SFMBT2: variants seen among roughly 807,000 people sequenced by gnomAD.
SFMBT2 encodes the protein Scm like with four mbt domains 2.
Under a neutral mutation model 110.1 loss-of-function variants are expected in SFMBT2, and 38 were observed. The ratio of observed to expected loss-of-function variants is 0.35; its 90% CI spans 0.27 to 0.45. SFMBT2 has a LOEUF of 0.45. SFMBT2 is among the 20% of genes least tolerant of loss of function. The pLI is 1.00. For missense variants in SFMBT2, 1,011 were observed against 1,094.9 expected, an observed-to-expected ratio of 0.92 and a Z score of 1.08; for synonymous variants, 425 against 425.4, an observed-to-expected ratio of 1.00 and a Z score of 0.01.
chr10:7,368,576 G>A (rs1844976909), intron 3 of SFMBT2, among the ~76,000 whole-genome samples: 1 of 152,230 alleles, frequency 6.6e-6, no homozygotes, highest in Non-Finnish European at 1.5e-5. Flanking sequence ...CTGAAGGACA[G>A]CCTCCAGCTC....
At chr10:7,250,772 A>G (rs930440381) in intron 7 of SFMBT2, among the ~76,000 whole-genome samples, 1 of 152,216 alleles carries the variant, frequency 6.6e-6, no homozygotes, top group African/African-American at 2.4e-5. Context: ...AATAACAGCC[A>G]TTCTTACTGG....
At chr10:7,188,238 C>A (rs149565459) in intron 16 of SFMBT2, among the ~76,000 whole-genome samples, 60 of 152,254 alleles carry the variant, frequency 3.9e-4, no homozygotes, top group East Asian at 2.7e-3. Context: ...TTGCATTTAG[C>A]ATAGTCTATA....
chr10:7,376,383 G>A (rs1845209374), intron 2 of SFMBT2, among the ~76,000 whole-genome samples: 1 of 152,042 alleles, frequency 6.6e-6, no homozygotes, highest in African/African-American at 2.4e-5. Flanking sequence ...GGACTTGGGT[G>A]TCGGTTATTG....
chr10:7,386,953 C>A (rs1845625094), intron 1 of SFMBT2, among the ~76,000 whole-genome samples: 1 of 152,156 alleles, frequency 6.6e-6, no homozygotes, highest in Admixed American at 6.5e-5. Flanking sequence ...CGGTTTGAAC[C>A]CACACAACTG....
intron 1 of SFMBT2, among the ~76,000 whole-genome samples, chr10:7,407,617 G>A (rs1362644501): frequency 6.6e-6 from 1 of 152,176 alleles, no homozygotes; most frequent in African/African-American, 2.4e-5. Context: ...GCGAGAAGTC[G>A]GGCGGCCGAT....
chr10:7,312,933 T>C (rs1463974309), intron 4 of SFMBT2, among the ~76,000 whole-genome samples: 1 of 152,140 alleles, frequency 6.6e-6, no homozygotes, highest in African/African-American at 2.4e-5. Flanking sequence ...TGCTTCCAGG[T>C]TTGGCTCTGC....
intron 8 of SFMBT2, among the ~76,000 whole-genome samples, chr10:7,247,570 A>C (rs1271782601): frequency 3.3e-5 from 5 of 152,258 alleles, no homozygotes; most frequent in Non-Finnish European, 7.3e-5. Flanking sequence ...AGTGTTACCA[A>C]ATCATAAATT....
At chr10:7,277,102 C>G (rs985751359) in intron 6 of SFMBT2, 113 bp from the exon 7 acceptor site, 1 of 688,558 alleles carries the variant, frequency 1.5e-6, no homozygotes, top group East Asian at 2.6e-5. Flanking sequence ...GGTCAGTGAC[C>G]GTGAGTGTTC....
Position 7,175,177 on chromosome 10 carries a change from C to A in SFMBT2, c.1984+813G>T, listed in dbSNP as rs79367773. Among the ~76,000 whole-genome samples the A allele has an allele frequency of 4.2e-3, 646 of 152,332 alleles. 2 individuals are homozygous for A. The highest frequency in any genetic ancestry group is 5.7e-3 in the Non-Finnish European group (391 of 68,026). ...GCAGAGCTAACTTCCAGGTCACTCC[C>A]CCTTGCATTAGAGAGAACTGAGGGG... On this transcript the variant is annotated intron_variant, in intron 17 of 20. Transcript: ENST00000397167.
At chr10:7,260,237 G>A (rs1841151506) in intron 7 of SFMBT2, among the ~76,000 whole-genome samples, 2 of 152,162 alleles carry the variant, frequency 1.3e-5, no homozygotes, top group Admixed American at 1.3e-4. Flanking sequence ...CTATTAAAGG[G>A]CCTTCTCACA....
intron 7 of SFMBT2, among the ~76,000 whole-genome samples, chr10:7,254,335 T>A (rs930606286): frequency 7.9e-5 from 12 of 152,050 alleles, no homozygotes; most frequent in African/African-American, 9.6e-5. Flanking sequence ...CAGAACACCC[T>A]CCATTTGTCA....
At chr10:7,368,291 C>A in intron 3 of SFMBT2, 1 of 978,012 alleles carries the variant, frequency 1.0e-6, no homozygotes. Flanking sequence ...CAAGGACTCA[C>A]AGGACCACAT....
intron 1 of SFMBT2, among the ~76,000 whole-genome samples, chr10:7,388,723 G>C (rs1845688858): frequency 6.6e-6 from 1 of 151,966 alleles, no homozygotes; most frequent in Non-Finnish European, 1.5e-5. Context: ...ACCTCAGGAA[G>C]TGATATCTGA....
Position 7,172,741 on chromosome 10 carries a change from G to A in SFMBT2, c.1985-80C>T. The A allele has an allele frequency of 6.8e-7, 1 of 1,467,794 alleles. No homozygotes were observed. Among genetic ancestry groups the A allele is most frequent in the Non-Finnish European group, 9.2e-7 (1 of 1,091,398 alleles). 90.9% of individuals were successfully genotyped at this position (1,467,794 alleles called of 1,614,324 possible). On this transcript the variant is annotated intron_variant, in intron 17 of 20. Transcript: ENST00000397167. This position sits in a 1 kb window ranked among gnomAD's most constrained non-coding sequence, Gnocchi z 4.6. ...ACAGAGAGAGGAGAGAGAAAGAAGG[G>A]AAACGATTCTTTCATCTGATAGTTC...
intron 7 of SFMBT2, among the ~76,000 whole-genome samples, chr10:7,263,732 G>C (rs978367780): frequency 3.3e-5 from 5 of 152,170 alleles, no homozygotes; most frequent in African/African-American, 9.7e-5. Flanking sequence ...ACAAGTGTTT[G>C]AATGTTGCTG....
chr10:7,276,884 C>T lies in SFMBT2; in HGVS notation c.870+8G>A, dbSNP rs1355850877. The T allele has an allele frequency of 1.2e-6, 1 of 867,096 alleles. No homozygotes were observed. The highest frequency in any genetic ancestry group is 2.4e-5 in the East Asian group (1 of 41,684). 53.7% of individuals were successfully genotyped at this position (867,096 alleles called of 1,614,324 possible). A position where few individuals can be genotyped will look rare whatever the true frequency, so the allele number is the denominator to read the frequency against. ...GGGTAGATACATTGCTAAGAATCAACATCTTACCTTAAACACTTCCATTGG... is the reference window on the plus strand; with the variant it reads ...GGGTAGATACATTGCTAAGAATCAATATCTTACCTTAAACACTTCCATTGG... On this transcript the variant is annotated splice_region_variant and intron_variant, in intron 7 of 20. Coordinates refer to ENST00000397167, the MANE Select transcript of SFMBT2 (RefSeq NM_001387889.1).
intron 7 of SFMBT2, chr10:7,249,203 A>T: frequency 4.2e-6 from 1 of 236,640 alleles, no homozygotes; most frequent in Non-Finnish European, 6.9e-6. Flanking sequence ...TAAGAATCCA[A>T]ACCTGCCCCA....
intron 1 of SFMBT2, chr10:7,409,442 G>A (rs1471006945): frequency 6.6e-6 from 1 of 152,004 alleles, no homozygotes; most frequent in Non-Finnish European, 1.5e-5. Flanking sequence ...ATCATGGCAG[G>A]GTCTGGTTCC....
At chr10:7,196,809 CG>C (rs1366282790) in intron 15 of SFMBT2, among the ~76,000 whole-genome samples, 1 of 152,156 alleles carries the variant, frequency 6.6e-6, no homozygotes, top group African/African-American at 2.4e-5. Flanking sequence ...GATAGAGTTC[CG>C]GGAAGAGTTT....
Sources: gnomAD v4.1 joint callset for allele counts (sites outside exome capture counted in the v4.1 genomes callset) on GRCh38, gnomAD v4.1.1 for gene constraint, Gnocchi (gnomAD v3.1) non-coding constraint, MANE v1.5 for transcripts, NCBI Gene and HGNC (gene_info 2026-07-23, HGNC 2026-07-21) for gene names.